Variants in NTM observed in about 807,000 individuals in gnomAD.
NTM encodes the protein neurotrimin, also known as IgLON family member 2.
In NTM, 13 loss-of-function variants were observed where a neutral mutation model predicts 42.1. The ratio of observed to expected loss-of-function variants is 0.31; its 90% CI spans 0.20 to 0.49. The LOEUF is 0.49. Among genes scored for constraint, NTM ranks in the 20% least tolerant of loss-of-function variants. The pLI is 0.99. For missense variants in NTM, 373 were observed against 452.8 expected (o/e 0.82, Z 1.60); for synonymous variants, 187 against 179.2 (o/e 1.04, Z -0.35).
chr11:131,637,682 G>A (rs779613954), intron 1 of NTM, among the ~76,000 whole-genome samples: 6 of 151,716 alleles, frequency 4.0e-5, no homozygotes, highest in Non-Finnish European at 5.9e-5. Context: ...ACCACCAACC[G>A]TCTTTCCAGT....
intron 1 of NTM, among the ~76,000 whole-genome samples, chr11:131,837,429 T>G (rs1369677359): frequency 1.3e-5 from 2 of 152,208 alleles, no homozygotes; most frequent in Non-Finnish European, 2.9e-5. Flanking sequence ...GATTTCTTTG[T>G]AATCTAAGAA....
intron 2 of NTM, among the ~76,000 whole-genome samples, chr11:132,088,640 C>A (rs552577179): frequency 1.3e-5 from 2 of 152,210 alleles, no homozygotes; most frequent in Non-Finnish European, 2.9e-5. Flanking sequence ...CTACCCAATT[C>A]CTCCAGTGCG....
intron 2 of NTM, among the ~76,000 whole-genome samples, chr11:132,111,581 G>A (rs1295250748): frequency 2.0e-5 from 3 of 152,186 alleles, no homozygotes; most frequent in African/African-American, 7.2e-5. Context: ...AAGCAAGCCA[G>A]TATGGCTGCT....
At chr11:131,763,950 ACT>A (rs1192113207) in intron 1 of NTM, among the ~76,000 whole-genome samples, 2 of 151,094 alleles carry the variant, frequency 1.3e-5, no homozygotes, top group Admixed American at 6.6e-5. Flanking sequence ...TAATTATGTA[ACT>A]CTGCAATTCT....
At chr11:131,927,254 T>C (rs1753943909) in intron 2 of NTM, among the ~76,000 whole-genome samples, 1 of 124,592 alleles carries the variant, frequency 8.0e-6, no homozygotes, top group Non-Finnish European at 1.7e-5. Flanking sequence ...GCACCAACTT[T>C]ATTAAGCATT....
At chr11:131,677,277 G>A (rs185364451) in intron 1 of NTM, among the ~76,000 whole-genome samples, 13 of 152,312 alleles carry the variant, frequency 8.5e-5, no homozygotes, top group Admixed American at 2.6e-4. Flanking sequence ...CCCGCCTCCC[G>A]TGGAGGTCCA....
intron 1 of NTM, among the ~76,000 whole-genome samples, chr11:131,664,523 G>A (rs571156040): frequency 3.7e-4 from 56 of 152,192 alleles, no homozygotes; most frequent in South Asian, 6.2e-4. Context: ...ACTCAGAGGC[G>A]TATGGGCCCC....
At chr11:131,821,705 G>A (rs531526042) in intron 1 of NTM, among the ~76,000 whole-genome samples, 1 of 152,198 alleles carries the variant, frequency 6.6e-6, no homozygotes, top group East Asian at 1.9e-4. Context: ...CGTATGTGGC[G>A]TGAGGTGGAG....
chr11:131,468,511 C>A (rs1403158669), intron 1 of NTM, among the ~76,000 whole-genome samples: 2 of 152,126 alleles, frequency 1.3e-5, no homozygotes, highest in East Asian at 3.9e-4. Context: ...ATTTCATGGG[C>A]CGATATGCAG....
intron 3 of NTM, among the ~76,000 whole-genome samples, chr11:132,180,911 G>A (rs1015300847): frequency 1.3e-5 from 2 of 152,236 alleles, no homozygotes; most frequent in South Asian, 4.2e-4. Flanking sequence ...AAAAAAATGG[G>A]GAGAAGATAA....
chr11:132,017,799 T>C (rs1440170543), intron 2 of NTM, among the ~76,000 whole-genome samples: 2 of 152,034 alleles, frequency 1.3e-5, no homozygotes, highest in Non-Finnish European at 2.9e-5. Flanking sequence ...CCTTTTCTTT[T>C]ATTTAGATCT....
At chr11:131,516,223 G>A (rs1467648581) in intron 1 of NTM, among the ~76,000 whole-genome samples, 1 of 152,186 alleles carries the variant, frequency 6.6e-6, no homozygotes, top group Non-Finnish European at 1.5e-5. Context: ...GTCCTGTGTA[G>A]CAGAGAAGCA....
At chr11:131,865,355 T>C (rs1021329804) in intron 1 of NTM, among the ~76,000 whole-genome samples, 1 of 152,180 alleles carries the variant, frequency 6.6e-6, no homozygotes, top group African/African-American at 2.4e-5. Flanking sequence ...TATAAATCAA[T>C]GTGTGAAGTT....
Position 132,119,353 on chromosome 11 carries a change from G to T in NTM, c.168-26929G>T, listed in dbSNP as rs370167679. Among the ~76,000 whole-genome samples the T allele has an allele frequency of 2.6e-5, 4 of 151,506 alleles. No homozygotes were observed. The East Asian group carries it at 7.8e-4, about 29-fold the overall frequency. On this transcript the variant is annotated intron_variant, in intron 2 of 8. Coordinates refer to ENST00000683400, the MANE Select transcript of NTM (RefSeq NM_001352005.2). ...AAAACCATCACTCCTTGTACTCCTG[G>T]AATGGGGACATGTGCGCTTGACATC...
chr11:132,269,238 T>G (rs768455761), intron 4 of NTM, among the ~76,000 whole-genome samples: 11 of 152,210 alleles, frequency 7.2e-5, no homozygotes, highest in South Asian at 2.1e-4. Context: ...TGCATTCTAT[T>G]GCAGGTGTAG....
At chr11:131,621,511 A>G (rs1017964307) in intron 1 of NTM, among the ~76,000 whole-genome samples, 1 of 151,948 alleles carries the variant, frequency 6.6e-6, no homozygotes, top group African/African-American at 2.4e-5. Context: ...TCAAAGAGGA[A>G]GCTACAGGCC....
At chr11:131,661,056 C>A in intron 1 of NTM, 1 of 1,302,494 alleles carries the variant, frequency 7.7e-7, no homozygotes, top group Non-Finnish European at 1.0e-6. Context: ...CAGGTAGGTG[C>A]ATACTCAATT....
chr11:131,714,657 T>C (rs1380630546), intron 1 of NTM, among the ~76,000 whole-genome samples: 1 of 152,238 alleles, frequency 6.6e-6, no homozygotes, highest in East Asian at 1.9e-4. Flanking sequence ...ACTAACTACT[T>C]ACTGTAACAG....
intron 1 of NTM, among the ~76,000 whole-genome samples, chr11:131,814,989 ATCT>A (rs138416381): frequency 0.019 from 2,932 of 152,020 alleles, 87 homozygotes; most frequent in African/African-American, 0.066. Flanking sequence ...ATGGATTTTG[ATCT>A]TCTTCATTTT....
Sources: allele counts gnomAD v4.1 joint callset (sites outside exome capture counted in the v4.1 genomes callset), GRCh38; gene constraint gnomAD v4.1.1; transcripts MANE v1.5; gene names NCBI Gene and HGNC (gene_info 2026-07-23, HGNC 2026-07-21).